The following TDRD1 variants were observed in gnomAD, a reference collection of about 807,000 sequenced individuals.
The protein encoded by TDRD1 is tudor domain containing 1, also known as tudor domain-containing protein 1.
TDRD1 carries 37 observed loss-of-function variants against 140.6 expected under a neutral mutation model. The ratio of observed to expected loss-of-function variants is 0.26; its 90% CI spans 0.20 to 0.35. The LOEUF (loss-of-function observed/expected upper bound fraction) is 0.35. Among genes scored for constraint, TDRD1 ranks in the 10% least tolerant of loss-of-function variants. The probability of loss-of-function intolerance (pLI) is 1.00; values close to 1 mark genes in which losing one functional copy is unlikely to be tolerated. For synonymous variants in TDRD1, 506 were observed against 475.7 expected, an observed-to-expected ratio of 1.06 and a Z score of -0.83; for missense variants, 1,243 against 1,393.0, an observed-to-expected ratio of 0.89 and a Z score of 1.71.
upstream of TDRD1, among the ~76,000 whole-genome samples, chr10:114,177,808 G>T (rs184875625): frequency 6.6e-6 from 1 of 151,532 alleles, no homozygotes; most frequent in Non-Finnish European, 1.5e-5. Flanking sequence ...ACTCTGTACA[G>T]CACCTTCTTT....
Position 114,228,784 on chromosome 10 carries a change from A to G in TDRD1, c.3538+659A>G, listed in dbSNP as rs555214912. 47 of 985,434 alleles carry G rather than the reference A, an allele frequency of 4.8e-5. No homozygotes were observed. The East Asian group carries it at 2.4e-3, about 50-fold the overall frequency. The allele number at this position is 985,434 out of a possible 1,614,324, so 61.0% of individuals were successfully genotyped here. A position where few individuals can be genotyped will look rare whatever the true frequency, so the allele number is the denominator to read the frequency against. ...GAAATAAATTTTTGATTAAGAGCCA[A>G]TTAGAACTTCTGATCAGGGCTGGGG... On this transcript the variant is annotated intron_variant, in intron 25 of 25. Coordinates refer to ENST00000251864, the Ensembl canonical transcript of TDRD1.
upstream of TDRD1, among the ~76,000 whole-genome samples, chr10:114,177,834 C>CTTTTTTTTTTTTTTTTTTT (rs34189756): frequency 1.5e-5 from 2 of 131,120 alleles, no homozygotes; most frequent in African/African-American, 2.9e-5. Context: ...CTTTCTTTTT[C>CTTTTTTTTTTTTTTTTTTT]TTTTTTTTTT....
chr10:114,194,480 GTAT>G (rs1448001813), intron 3 of TDRD1, among the ~76,000 whole-genome samples: 1 of 152,028 alleles, frequency 6.6e-6, no homozygotes, highest in African/African-American at 2.4e-5. Context: ...AGTGTTCCCA[GTAT>G]TATTTTCAGT....
chr10:114,216,018 C>T (rs1465347535), intron 16 of TDRD1, among the ~76,000 whole-genome samples: 4 of 152,072 alleles, frequency 2.6e-5, no homozygotes, highest in Non-Finnish European at 4.4e-5. Flanking sequence ...CTGTTTTCTC[C>T]AGTCTCTTTT....
chr10:114,226,027 T>A, intron 21 of TDRD1, 22 bp from the exon 22 acceptor site: 1 of 1,602,494 alleles, frequency 6.2e-7, no homozygotes, highest in Non-Finnish European at 8.6e-7. Flanking sequence ...AGTTCTTACC[T>A]GAGATTTCAT....
intron 21 of TDRD1, among the ~76,000 whole-genome samples, chr10:114,225,073 A>T (rs548538603): frequency 6.6e-6 from 1 of 152,266 alleles, no homozygotes; most frequent in South Asian, 2.1e-4. Context: ...TGGAGTGCAC[A>T]GCTTGCCTGC....
At position 114,212,516 on chromosome 10, in the gene TDRD1, A is replaced by G. The variant is rs536761139; in HGVS notation, c.1831+480A>G. Among the ~76,000 whole-genome samples the G allele has an allele frequency of 3.3e-4, 51 of 152,314 alleles. 1 individual carries two copies. The highest frequency in any genetic ancestry group is 1.1e-3 in the African/African-American group (44 of 41,570). On this transcript the variant is annotated intron_variant, in intron 14 of 25. Transcript: ENST00000251864. Reference sequence around the variant, plus strand: ...TGGTGCATCAAAGGGTTGCTTCTATATTATTTCATCCTGGCCAATTTTGAT... The same window carrying G: ...TGGTGCATCAAAGGGTTGCTTCTATGTTATTTCATCCTGGCCAATTTTGAT...
At chr10:114,187,833 T>C in exon 2 of TDRD1, 1 of 1,570,850 alleles carries the variant, frequency 6.4e-7, no homozygotes, top group Non-Finnish European at 8.6e-7. Flanking sequence ...TAGGCCTCGA[T>C]GAGTGTTAAA....
At chr10:114,195,553 G>A (rs2034285278) in intron 3 of TDRD1, among the ~76,000 whole-genome samples, 1 of 152,128 alleles carries the variant, frequency 6.6e-6, no homozygotes, top group Non-Finnish European at 1.5e-5. Flanking sequence ...TCATCATAAT[G>A]TCCCTCTCTC....
At chr10:114,188,255 C>G in intron 2 of TDRD1, 99 bp downstream of exon 2, 1 of 1,026,778 alleles carries the variant, frequency 9.7e-7, no homozygotes, top group Admixed American at 2.7e-5. Flanking sequence ...ATTAGCAGAA[C>G]AGGCACATGA....
chr10:114,202,259 A>G (rs1298454487), exon 6 of TDRD1: 2 of 1,603,594 alleles, frequency 1.2e-6, no homozygotes, highest in South Asian at 1.1e-5. Flanking sequence ...TTGAAAATAA[A>G]TCATCTATTG....
chr10:114,181,741 A>T (rs1051876279), intron 1 of TDRD1, among the ~76,000 whole-genome samples: 1 of 151,628 alleles, frequency 6.6e-6, no homozygotes, highest in Non-Finnish European at 1.5e-5. Context: ...GCTACTTGGG[A>T]GGCTGGGGCA....
chr10:114,191,009 A>G, exon 3 of TDRD1: 1 of 1,613,918 alleles, frequency 6.2e-7, no homozygotes, highest in East Asian at 2.2e-5. Context: ...CCACCCAAAG[A>G]AGTGAATATT....
chr10:114,231,222 A>C (rs79867830), intron 25 of TDRD1, among the ~76,000 whole-genome samples: 2,267 of 152,356 alleles, frequency 0.015, 69 homozygotes, highest in African/African-American at 0.051. Flanking sequence ...TTCAACACAC[A>C]AGTTAATGTC....
chr10:114,208,757 C>T (rs761518896), intron 11 of TDRD1, among the ~76,000 whole-genome samples: 1 of 151,414 alleles, frequency 6.6e-6, no homozygotes, highest in African/African-American at 2.4e-5. Context: ...ATCTGACATA[C>T]ATTAGATGTT....
chr10:114,205,526 G>A (rs545527535), intron 10 of TDRD1, among the ~76,000 whole-genome samples: 50 of 152,316 alleles, frequency 3.3e-4, no homozygotes, highest in Middle Eastern at 3.4e-3. Flanking sequence ...GGAACTTGAA[G>A]TTTGGGTCCA....
exon 23 of TDRD1, chr10:114,227,223 C>G: frequency 4.3e-6 from 7 of 1,614,018 alleles, no homozygotes; most frequent in Non-Finnish European, 5.9e-6. Context: ...ATGGGACTGT[C>G]GATGTAGCTG....
At chr10:114,187,671 C>G (rs951713477) in intron 1 of TDRD1, among the ~76,000 whole-genome samples, 155 bp from the exon 2 acceptor site, 1 of 152,102 alleles carries the variant, frequency 6.6e-6, no homozygotes, top group Non-Finnish European at 1.5e-5. Context: ...TGTGCCTTGT[C>G]GGCCAAGTTT....
chr10:114,220,599 A>G lies in TDRD1; in HGVS notation c.2526A>G (p.Glu842=), dbSNP rs759027477. The G allele has an allele frequency of 1.9e-6, 3 of 1,613,228 alleles. No homozygotes were observed. In the East Asian group the frequency reaches 6.7e-5, roughly 36 times the overall value. The stretch of plus-strand genomic sequence containing the variant: ...AGTCTAGAAACAAACATTGGTCTGA[A>G]GAAGCCATAACAAGATTCCAGATGT... The change falls in exon 19 of 26, where the codon GAA becomes GAG. Residue 842 remains glutamate (E), a synonymous_variant. Coordinates refer to ENST00000251864, the Ensembl canonical transcript of TDRD1.
Sources: allele counts gnomAD v4.1 joint callset (sites outside exome capture counted in the v4.1 genomes callset), GRCh38; gene constraint gnomAD v4.1.1; transcripts MANE v1.5; gene names NCBI Gene and HGNC (gene_info 2026-07-23, HGNC 2026-07-21).